The following CLSTN1 variants were observed in gnomAD, a reference collection of about 807,000 sequenced individuals.
The protein encoded by CLSTN1 is calsyntenin 1, also known as calsyntenin-1.
A neutral mutation model predicts 108.3 loss-of-function variants in CLSTN1; 28 were observed. That is an observed-to-expected ratio of 0.26 (90% confidence interval 0.19 to 0.35). The LOEUF (loss-of-function observed/expected upper bound fraction) is 0.35, where lower values mean the gene tolerates loss of function less well. CLSTN1 is among the 10% of genes least tolerant of loss of function. The pLI, the probability that CLSTN1 is intolerant of heterozygous loss-of-function variation, is 1.00. For missense variants in CLSTN1, 1,157 were observed against 1,302.6 expected (o/e 0.89, Z 1.72); for synonymous variants, 524 against 534.9 (o/e 0.98, Z 0.28).
rs755627534 is a variant in CLSTN1, at chr1:9,817,450, CCCGAGTAGCTGGGATTA to C, written c.91+6176_91+6192del. Among the ~76,000 whole-genome samples the C allele has an allele frequency of 1.1e-4, 17 of 152,248 alleles. No individual in the cohort carries two copies. The East Asian group carries it at 2.9e-3, about 26-fold the overall frequency. On this transcript the variant is annotated intron_variant, in intron 1 of 18. Transcript: ENST00000377298. ...TCAAGCAATTCTCCTGCCTCAGCCT[CCCGAGTAGCTGGGATTA>C]CAGGCATGCGCCACCACACCCGGCT...
In CLSTN1 at chr1:9,790,855, C is replaced by T. The variant is rs377247164; in HGVS notation, c.92-17461G>A. 7.7e-4 allele frequency among the ~76,000 whole-genome samples: 116 copies of T among 151,102 alleles called. 1 individual carries two copies. The highest frequency in any genetic ancestry group is 2.7e-3 in the African/African-American group (110 of 41,444). ...ATTAGGATTAAAAAAAAAACAGGGC[C>T]GGGCGCGGCGGCTCACGCCTGTAAT... On this transcript the variant is annotated intron_variant, in intron 1 of 18. Coordinates refer to ENST00000377298, the MANE Select transcript of CLSTN1 (RefSeq NM_001009566.3).
chr1:9,765,920 G>A (rs994722222), intron 2 of CLSTN1, among the ~76,000 whole-genome samples: 4 of 151,892 alleles, frequency 2.6e-5, no homozygotes, highest in African/African-American at 9.7e-5. Flanking sequence ...ATTCACTGCT[G>A]CAAGCACAAG....
Position 9,735,006 on chromosome 1 carries a change from G to A in CLSTN1, c.2052C>T (p.Ile684=), listed in dbSNP as rs770783965. The A allele has an allele frequency of 6.2e-7, 1 of 1,614,124 alleles. No individual in the cohort carries two copies. Among genetic ancestry groups the A allele is most frequent in the Non-Finnish European group, 8.5e-7 (1 of 1,180,050 alleles). Reference sequence around the variant, plus strand: ...CCACTTCTCTCGTGATGGTGCTGATGATGCGAAGCTCAGGGAAAAGGAACA... The same window carrying A: ...CCACTTCTCTCGTGATGGTGCTGATAATGCGAAGCTCAGGGAAAAGGAACA... ...EGVFLFPELR[I]ISTITREVEP... Residue 684 remains isoleucine, a synonymous_variant, in exon 14 of 19, where the codon ATC becomes ATT. Coordinates refer to ENST00000377298, the MANE Select transcript of CLSTN1 (RefSeq NM_001009566.3).
In CLSTN1 at chr1:9,744,470, T is replaced by C; in HGVS notation, c.1159A>G (p.Thr387Ala). 1 of 1,611,056 alleles carries C rather than the reference T, an allele frequency of 6.2e-7. No individual in the cohort carries two copies. Among genetic ancestry groups the C allele is most frequent in the Non-Finnish European group, 8.5e-7 (1 of 1,179,834 alleles). ...VVSVSPKEPF[T>A]ISVWMRHGPF... Reference sequence around the variant, plus strand: ...CCATGTCTCATCCACACCGAGATGGTGAACGGCTCTTTGGGGCTGACCGAC... The same window carrying C: ...CCATGTCTCATCCACACCGAGATGGCGAACGGCTCTTTGGGGCTGACCGAC... The change falls in exon 8 of 19, where the codon ACC becomes GCC. Residue 387 changes from threonine to alanine, a missense_variant. Coordinates refer to ENST00000377298, the MANE Select transcript of CLSTN1 (RefSeq NM_001009566.3).
At chr1:9,787,011 C>T (rs1653526890) in intron 1 of CLSTN1, among the ~76,000 whole-genome samples, 1 of 151,304 alleles carries the variant, frequency 6.6e-6, no homozygotes, top group Non-Finnish European at 1.5e-5. Flanking sequence ...CCAGGAGAGT[C>T]CCAAGAACGA....
At chr1:9,797,293 G>C (rs2101252348) in intron 1 of CLSTN1, among the ~76,000 whole-genome samples, 1 of 152,100 alleles carries the variant, frequency 6.6e-6, no homozygotes, top group East Asian at 1.9e-4. Flanking sequence ...CCAAAAGAAA[G>C]AAAAGGTGGG....
At chr1:9,741,732 C>T (rs576125595) in intron 9 of CLSTN1, among the ~76,000 whole-genome samples, 39 of 152,262 alleles carry the variant, frequency 2.6e-4, no homozygotes, top group African/African-American at 9.1e-4. Context: ...GCCAACATAT[C>T]GAAACCCCAT....
chr1:9,746,510 G>A (rs2101099772), intron 7 of CLSTN1, among the ~76,000 whole-genome samples: 1 of 152,268 alleles, frequency 6.6e-6, no homozygotes, highest in East Asian at 1.9e-4. Flanking sequence ...GAGGTCAAGA[G>A]TTCAAACCAG....
At chr1:9,737,638 C>CCCT in intron 10 of CLSTN1, 84 bp from the exon 11 acceptor site, 1 of 1,166,904 alleles carries the variant, frequency 8.6e-7, no homozygotes, top group Non-Finnish European at 1.3e-6. Context: ...AGGTTTGAAG[C>CCCT]AACCAACTAT....
chr1:9,755,048 T>A (rs568944931), intron 4 of CLSTN1, 66 bp downstream of exon 4: 127 of 1,381,106 alleles, frequency 9.2e-5, no homozygotes, highest in Non-Finnish European at 1.1e-4. Context: ...TAGTCACTAC[T>A]ATTTTCGTTC....
chr1:9,811,731 CAAAAA>C (rs34337087), intron 1 of CLSTN1, among the ~76,000 whole-genome samples: 2 of 78,828 alleles, frequency 2.5e-5, no homozygotes, highest in Middle Eastern at 6.4e-3. Flanking sequence ...AAATGCATGG[CAAAAA>C]AAAAAAAAAA....
Position 9,728,951 on chromosome 1 carries a change from C to T in CLSTN1, c.*1557G>A, listed in dbSNP as rs1481602153. 1 of 152,120 alleles carries T rather than the reference C, an allele frequency of 6.6e-6. No individual in the cohort carries two copies. Among genetic ancestry groups the T allele is most frequent in the Non-Finnish European group, 1.5e-5 (1 of 68,032 alleles). The allele number at this position is 152,120 out of a possible 1,614,324, so 9.4% of individuals were successfully genotyped here. On this transcript the variant is annotated 3_prime_UTR_variant, in exon 19 of 19. Coordinates refer to ENST00000377298, the MANE Select transcript of CLSTN1 (RefSeq NM_001009566.3). ...GCCTTTTTATGTTCTTTTATGTTCT[C>T]GGCTCAAAAAGAAACAAGGGAGTGT...
At position 9,799,327 on chromosome 1, in the gene CLSTN1, T is replaced by C. The variant is rs138206802; in HGVS notation, c.91+24316A>G. Among the ~76,000 whole-genome samples the C allele has an allele frequency of 4.2e-3, 638 of 152,270 alleles. 12 individuals are homozygous for C. The East Asian group carries it at 0.043, about 10-fold the overall frequency. On this transcript the variant is annotated intron_variant, in intron 1 of 18. Transcript: ENST00000377298. ...TAATCGACAAACTGCTGGAGTTCAA[T>C]GTGCAGAACTCTGAGAGTTAAAAAT...
intron 3 of CLSTN1, among the ~76,000 whole-genome samples, chr1:9,755,899 C>T (rs1651783201): frequency 1.3e-5 from 2 of 152,144 alleles, no homozygotes; most frequent in African/African-American, 2.4e-5. Flanking sequence ...GAAATACCGA[C>T]TCGTCAGGCA....
chr1:9,788,867 C>CAAAAAAAAAAAAA (rs56093052), intron 1 of CLSTN1, among the ~76,000 whole-genome samples: 1 of 76,276 alleles, frequency 1.3e-5, no homozygotes. Context: ...GACTCCGTCT[C>CAAAAAAAAAAAAA]AAAAAAAAAA....
At chr1:9,787,459 A>G (rs1653550654) in intron 1 of CLSTN1, among the ~76,000 whole-genome samples, 1 of 141,156 alleles carries the variant, frequency 7.1e-6, no homozygotes, top group South Asian at 2.4e-4. Flanking sequence ...CCTGGAGTGC[A>G]GTGGTGTGAT....
At position 9,745,228 on chromosome 1, in the gene CLSTN1, CAAA is replaced by C. The variant is rs58703418; in HGVS notation, c.986-588_986-586del. The stretch of plus-strand genomic sequence containing the variant: ...TGGGCAACAGAGCGAGACTCCGTCT[CAAA>C]AAAAAAAAAAAAAAACAAAAAGGAA... On this transcript the variant is annotated intron_variant, in intron 7 of 18. Coordinates refer to ENST00000377298, the MANE Select transcript of CLSTN1 (RefSeq NM_001009566.3). 5.9e-3 allele frequency among the ~76,000 whole-genome samples: 650 copies of C among 109,404 alleles called. 2 individuals are homozygous for C. Among genetic ancestry groups the C allele is most frequent in the African/African-American group, 0.019 (574 of 31,000 alleles). 71.8% of individuals were successfully genotyped at this position (109,404 alleles called of 152,430 possible).
Position 9,731,375 on chromosome 1 carries a change from G to A in CLSTN1, c.2579C>T (p.Ala860Val), listed in dbSNP as rs764430444. ...PHPFAVVPSTATVVIVVCVSF... is the reference protein window; with the variant it reads ...PHPFAVVPSTVTVVIVVCVSF... ...GACGCACACCACGATCACAACTGTC[G>A]CAGTGCTGGGGACGACTGTGGGAGA... The change falls in exon 18 of 19, where the codon GCG becomes GTG. Residue 860 changes from alanine to valine, a missense_variant. Coordinates refer to ENST00000377298, the MANE Select transcript of CLSTN1 (RefSeq NM_001009566.3). 6.8e-6 allele frequency: 11 copies of A among 1,614,054 alleles called. No individual in the cohort carries two copies. The East Asian group carries it at 1.3e-4, about 20-fold the overall frequency.
chr1:9,776,909 C>A (rs1017437230), intron 1 of CLSTN1, among the ~76,000 whole-genome samples: 1 of 111,712 alleles, frequency 9.0e-6, no homozygotes, highest in Non-Finnish European at 1.9e-5. Flanking sequence ...TATCTATCAG[C>A]ATTTACTACA....
Sources: allele counts gnomAD v4.1 joint callset (sites outside exome capture counted in the v4.1 genomes callset), GRCh38; gene constraint gnomAD v4.1.1; transcripts MANE v1.5; gene names NCBI Gene and HGNC (gene_info 2026-07-23, HGNC 2026-07-21).